Variants in CHN2 observed in about 807,000 individuals in gnomAD.
CHN2 encodes beta-chimaerin.
CHN2 carries 35 observed loss-of-function variants against 56.3 expected under a neutral mutation model. The observed-to-expected ratio is 0.62, with a 90% confidence interval of 0.47 to 0.82. CHN2 has a LOEUF of 0.82. Ranked by LOEUF, CHN2 falls within the 40% of genes least tolerant of loss-of-function variation. The pLI is 0.00. For synonymous variants in CHN2, 210 were observed against 212.8 expected, an observed-to-expected ratio of 0.99 and a Z score of 0.12; for missense variants, 491 against 580.5, an observed-to-expected ratio of 0.85 and a Z score of 1.58.
At chr7:29,162,679 AAG>A (rs1157035985) in intron 2 of CHN2, among the ~76,000 whole-genome samples, 1 of 151,898 alleles carries the variant, frequency 6.6e-6, no homozygotes, top group Non-Finnish European at 1.5e-5. Flanking sequence ...AAAAAAAAAA[AAG>A]AACATTATGA....
chr7:29,419,970 G>T (rs1804165774), intron 6 of CHN2, among the ~76,000 whole-genome samples: 1 of 150,684 alleles, frequency 6.6e-6, no homozygotes, highest in South Asian at 2.1e-4. Flanking sequence ...CGAGGCAGAA[G>T]AATTGCTCAA....
Position 29,512,780 on chromosome 7 carries a change from G to C in CHN2, c.*45G>C. On this transcript the variant is annotated 3_prime_UTR_variant, in exon 13 of 13. Coordinates refer to ENST00000222792, the MANE Select transcript of CHN2 (RefSeq NM_004067.4). ...GAATGGCCCCAGCACCATCCAAGTT[G>C]ACACAGCTAAAGGAATAAAAACATT... 1 of 1,574,184 alleles carries C rather than the reference G, an allele frequency of 6.4e-7. No homozygotes were observed.
At chr7:29,436,097 A>C (rs2128119333) in intron 6 of CHN2, among the ~76,000 whole-genome samples, 1 of 152,208 alleles carries the variant, frequency 6.6e-6, no homozygotes, top group Admixed American at 6.5e-5. Flanking sequence ...GTGACGCCTC[A>C]AGTTGGAGAC....
rs192674226 is a variant in CHN2, at chr7:29,207,315, C to T, written c.49+12325C>T. ...TGCTCAATACATGGGGGTGCCCCTTCTCTTCCCCTTTTCATTTCCACATTC... is the reference window on the plus strand; with the variant it reads ...TGCTCAATACATGGGGGTGCCCCTTTTCTTCCCCTTTTCATTTCCACATTC... On this transcript the variant is annotated intron_variant, in intron 1 of 12. Transcript: ENST00000222792. 4.6e-5 allele frequency among the ~76,000 whole-genome samples: 7 copies of T among 152,302 alleles called. No individual in the cohort carries two copies. In the East Asian group the frequency reaches 1.4e-3, roughly 29 times the overall value.
chr7:29,501,735 C>T (rs887636028), intron 9 of CHN2, among the ~76,000 whole-genome samples: 1 of 152,108 alleles, frequency 6.6e-6, no homozygotes, highest in Non-Finnish European at 1.5e-5. Flanking sequence ...TGTATGACAC[C>T]CGCATTCCCA....
rs372429718 is a variant in CHN2, at chr7:29,481,399, CT to C, written c.654+1046del. Reference sequence around the variant, plus strand: ...GATTTTATTCTGTTGCTTTCCGATCCTTTCTGAGGACAAATATTCATCTATT... The same window carrying C: ...GATTTTATTCTGTTGCTTTCCGATCCTTCTGAGGACAAATATTCATCTATT... On this transcript the variant is annotated intron_variant, in intron 7 of 12. Coordinates refer to ENST00000222792, the MANE Select transcript of CHN2 (RefSeq NM_004067.4). 1.3e-4 allele frequency among the ~76,000 whole-genome samples: 20 copies of C among 152,280 alleles called. 2 individuals are homozygous for C. The highest frequency in any genetic ancestry group is 4.8e-4 in the African/African-American group (20 of 41,556).
chr7:29,272,307 C>A (rs934655353), intron 1 of CHN2, among the ~76,000 whole-genome samples: 6 of 152,106 alleles, frequency 3.9e-5, no homozygotes, highest in African/African-American at 1.4e-4. Flanking sequence ...ATGGTCCAGG[C>A]GGAAATGACA....
At chr7:29,430,333 A>T (rs948542804) in intron 6 of CHN2, among the ~76,000 whole-genome samples, 1 of 152,206 alleles carries the variant, frequency 6.6e-6, no homozygotes, top group Non-Finnish European at 1.5e-5. Context: ...GTTCCATCAC[A>T]GGTGTTAAAA....
At chr7:29,452,401 A>C (rs949376500) in intron 6 of CHN2, among the ~76,000 whole-genome samples, 8 of 152,216 alleles carry the variant, frequency 5.3e-5, no homozygotes, top group Admixed American at 3.3e-4. Flanking sequence ...CCGGCACCTG[A>C]GAGGGAGTAC....
At chr7:29,374,948 C>T (rs1156326494) in intron 3 of CHN2, among the ~76,000 whole-genome samples, 13 of 150,294 alleles carry the variant, frequency 8.6e-5, no homozygotes, top group African/African-American at 2.4e-4. Flanking sequence ...AGTGCAATGG[C>T]GCGATCTTGG....
At chr7:29,330,721 C>T (rs17157786) in intron 1 of CHN2, among the ~76,000 whole-genome samples, 1 of 152,132 alleles carries the variant, frequency 6.6e-6, no homozygotes, top group African/African-American at 2.4e-5. Context: ...AACTTTGAAG[C>T]CTTGCTTGTG....
chr7:29,189,626 C>T (rs1218701643), intron 2 of CHN2, among the ~76,000 whole-genome samples: 1 of 152,168 alleles, frequency 6.6e-6, no homozygotes, highest in Non-Finnish European at 1.5e-5. Context: ...CAATGAGTTT[C>T]TGAATGCTAT....
Position 29,365,326 on chromosome 7 carries a change from C to T in CHN2, c.89-2606C>T, listed in dbSNP as rs184488885. On this transcript the variant is annotated intron_variant, in intron 2 of 12. Transcript: ENST00000222792. ...CTCAGCAAAACCTGGAGATACAAGA[C>T]AAAGCAAAAACAAGCATGATCCCTT... 3.3e-5 allele frequency among the ~76,000 whole-genome samples: 5 copies of T among 152,212 alleles called. No individual in the cohort carries two copies. In the East Asian group the frequency reaches 9.6e-4, roughly 29 times the overall value.
At chr7:29,320,680 C>G (rs1052417333) in intron 1 of CHN2, among the ~76,000 whole-genome samples, 2 of 152,110 alleles carry the variant, frequency 1.3e-5, no homozygotes, top group African/African-American at 4.8e-5. Context: ...CAAACTGTCT[C>G]GTCACCCACA....
intron 2 of CHN2, among the ~76,000 whole-genome samples, chr7:29,158,246 G>A (rs1050384687): frequency 3.3e-5 from 5 of 152,142 alleles, no homozygotes; most frequent in Admixed American, 2.6e-4. Flanking sequence ...AGTGTTCTTT[G>A]CCATTTGAAG....
At chr7:29,340,399 TG>T (rs34872316) in intron 1 of CHN2, among the ~76,000 whole-genome samples, 35,875 of 143,056 alleles carry the variant, frequency 0.25, 4,524 homozygotes, top group Non-Finnish European at 0.3. Flanking sequence ...GGGGGTTGCT[TG>T]GGGGGGGGCC....
chr7:29,367,771 C>A (rs1799282643), intron 2 of CHN2, among the ~76,000 whole-genome samples, 161 bp from the exon 3 acceptor site: 1 of 152,166 alleles, frequency 6.6e-6, no homozygotes, highest in Non-Finnish European at 1.5e-5. Flanking sequence ...TATAAATAAT[C>A]TGACTTTTTC....
chr7:29,323,860 C>T (rs958409872), intron 1 of CHN2, among the ~76,000 whole-genome samples: 3 of 151,512 alleles, frequency 2.0e-5, no homozygotes, highest in South Asian at 2.1e-4. Flanking sequence ...AAAAAATAGC[C>T]GGGCGTGGTG....
intron 1 of CHN2, among the ~76,000 whole-genome samples, chr7:29,216,926 A>G (rs1785387258): frequency 6.6e-6 from 1 of 152,170 alleles, no homozygotes; most frequent in African/African-American, 2.4e-5. Flanking sequence ...GGTAATGAAG[A>G]TGGTGTTAAG....
Sources: gnomAD v4.1 joint callset for allele counts (sites outside exome capture counted in the v4.1 genomes callset) on GRCh38, gnomAD v4.1.1 for gene constraint, MANE v1.5 for transcripts, NCBI Gene and HGNC (gene_info 2026-07-23, HGNC 2026-07-21) for gene names.